The following ATP23 variants were observed in gnomAD, a reference collection of about 807,000 sequenced individuals.
ATP23 encodes the protein mitochondrial inner membrane protease ATP23 homolog.
In ATP23, 24 loss-of-function variants were observed where a neutral mutation model predicts 28.5. That is an observed-to-expected ratio of 0.84 (90% confidence interval 0.61 to 1.18). The LOEUF (loss-of-function observed/expected upper bound fraction) is 1.18. ATP23 is among the 50% of genes most tolerant of loss of function. The pLI, the probability that ATP23 is intolerant of heterozygous loss-of-function variation, is 0.00. For missense variants in ATP23, 274 were observed against 306.4 expected (o/e 0.89, Z 0.79); for synonymous variants, 99 against 108.6 (o/e 0.91, Z 0.55).
At position 57,956,891 on chromosome 12, in the gene ATP23, G is replaced by A. The variant is rs1412727765; in HGVS notation, c.*1G>A. 1.9e-6 allele frequency: 3 copies of A among 1,591,062 alleles called. No homozygotes were observed. The highest frequency in any genetic ancestry group is 8.5e-7 in the Non-Finnish European group (1 of 1,171,612). On this transcript the variant is annotated 3_prime_UTR_variant, in exon 6 of 6. Transcript: ENST00000300145. ...TGATCGGTATTATTCAAATATATGA[G>A]CACAATGACATTTTTATATTACAGA...
At chr12:57,953,987 G>A (rs1354868759) in intron 5 of ATP23, among the ~76,000 whole-genome samples, 1 of 152,074 alleles carries the variant, frequency 6.6e-6, no homozygotes, top group Non-Finnish European at 1.5e-5. Context: ...GAGGTCAGGA[G>A]ATCGAGACCA....
chr12:57,946,178 A>C (rs1956759067), intron 2 of ATP23, among the ~76,000 whole-genome samples: 2 of 152,070 alleles, frequency 1.3e-5, no homozygotes, highest in African/African-American at 2.4e-5. Flanking sequence ...CTCATTTTCT[A>C]GTTCTTACCA....
rs990426331 is a variant in ATP23, at chr12:57,958,447, A to G, written c.*1557A>G. On this transcript the variant is annotated 3_prime_UTR_variant, in exon 6 of 6. Coordinates refer to ENST00000300145, the MANE Select transcript of ATP23 (RefSeq NM_033276.4). ...CAGCCAGCACAAAAATAGAGCCTTC[A>G]ACCACCAAAGCTAAGAACCCTCATG... Among the ~76,000 whole-genome samples, 5 of 152,314 alleles carry G rather than the reference A, an allele frequency of 3.3e-5. No individual in the cohort carries two copies. In the East Asian group the frequency reaches 9.6e-4, roughly 29 times the overall value.
Position 57,956,979 on chromosome 12 carries a change from A to G in ATP23, c.*89A>G. ...AAGTGAACAAACATATAAAATGTAA[A>G]CAATCCCTACAATCCAGATAAAACA... On this transcript the variant is annotated 3_prime_UTR_variant, in exon 6 of 6. Coordinates refer to ENST00000300145, the MANE Select transcript of ATP23 (RefSeq NM_033276.4). The G allele has an allele frequency of 1.0e-6, 1 of 1,003,314 alleles. No homozygotes were observed. Among genetic ancestry groups the G allele is most frequent in the Non-Finnish European group, 1.4e-6 (1 of 715,598 alleles). 62.2% of individuals were successfully genotyped at this position (1,003,314 alleles called of 1,614,324 possible). A position where few individuals can be genotyped will look rare whatever the true frequency, so the allele number is the denominator to read the frequency against.
At chr12:57,956,070 C>G (rs968946145) in intron 5 of ATP23, among the ~76,000 whole-genome samples, 3 of 152,104 alleles carry the variant, frequency 2.0e-5, no homozygotes, top group African/African-American at 4.8e-5. Flanking sequence ...TAGCCTATTA[C>G]TATGAAATGT....
chr12:57,953,888 A>G (rs1956839262), intron 5 of ATP23, among the ~76,000 whole-genome samples, 199 bp downstream of exon 5: 1 of 152,104 alleles, frequency 6.6e-6, no homozygotes, highest in Non-Finnish European at 1.5e-5. Flanking sequence ...TGACTCAATG[A>G]GTGTGTGAGA....
intron 2 of ATP23, among the ~76,000 whole-genome samples, chr12:57,946,232 G>T (rs1956759723): frequency 6.6e-6 from 1 of 152,030 alleles, no homozygotes; most frequent in Non-Finnish European, 1.5e-5. Context: ...AAATTTTCTT[G>T]TAAGTAATTA....
At chr12:57,949,180 C>G (rs1349854339) in intron 3 of ATP23, among the ~76,000 whole-genome samples, 1 of 152,242 alleles carries the variant, frequency 6.6e-6, no homozygotes, top group Non-Finnish European at 1.5e-5. Context: ...TGCTCAAGAG[C>G]AGAATTACTG....
intron 2 of ATP23, among the ~76,000 whole-genome samples, 154 bp from the exon 3 acceptor site, chr12:57,946,841 C>CT (rs1301142237): frequency 2.0e-5 from 3 of 152,116 alleles, no homozygotes; most frequent in Non-Finnish European, 4.4e-5. Context: ...GGTGAGATAA[C>CT]AGTCCTGAAG....
At chr12:57,945,154 T>G (rs1457860606) in intron 1 of ATP23, among the ~76,000 whole-genome samples, 2 of 152,256 alleles carry the variant, frequency 1.3e-5, no homozygotes, top group Non-Finnish European at 2.9e-5. Context: ...GGTATTTGTA[T>G]TAGTGTTTTA....
chr12:57,956,045 A>G (rs530976226), intron 5 of ATP23, among the ~76,000 whole-genome samples: 1 of 152,332 alleles, frequency 6.6e-6, no homozygotes, highest in Admixed American at 6.5e-5. Flanking sequence ...TTTAAATTAG[A>G]GTATTGAGAA....
intron 3 of ATP23, 90 bp from the exon 4 acceptor site, chr12:57,951,668 G>A: frequency 1.4e-6 from 2 of 1,428,794 alleles, no homozygotes. Context: ...GAGCTTGTGG[G>A]GGAGAGGTGA....
chr12:57,946,933 C>T (rs546570727), intron 2 of ATP23, 62 bp from the exon 3 acceptor site: 4 of 1,466,634 alleles, frequency 2.7e-6, no homozygotes, highest in Middle Eastern at 3.5e-4. Context: ...TGAGCCCTGG[C>T]CCAGGGCTGT....
intron 3 of ATP23, among the ~76,000 whole-genome samples, chr12:57,948,779 G>T (rs1435562525): frequency 6.6e-6 from 1 of 151,992 alleles, no homozygotes; most frequent in African/African-American, 2.4e-5. Context: ...TCCTTATCCT[G>T]ACTTTTGTGG....
In ATP23 at chr12:57,951,852, A is replaced by C. The variant is rs1327606656; in HGVS notation, c.410A>C (p.His137Pro). 3.7e-6 allele frequency: 6 copies of C among 1,614,182 alleles called. No individual in the cohort carries two copies. Among genetic ancestry groups the C allele is most frequent in the Non-Finnish European group, 5.1e-6 (6 of 1,180,022 alleles). Reference sequence around the variant, plus strand: ...CATGCATTTGATCATTGTCGTGCCCATGTCGACTGGTTCACCAACATCAGA... The same window carrying C: ...CATGCATTTGATCATTGTCGTGCCCCTGTCGACTGGTTCACCAACATCAGA... The part of the protein sequence containing the change: ...LIHAFDHCRA[H>P]VDWFTNIRHL... Residue 137 changes from histidine (H) to proline (P), a missense_variant, in exon 4 of 6, where the codon CAT (histidine) becomes CCT (proline). Physicochemically the swap from His to Pro is moderately conservative, Grantham distance 77. Transcript: ENST00000300145.
intron 3 of ATP23, among the ~76,000 whole-genome samples, chr12:57,951,211 T>G (rs17120201): frequency 0.16 from 24,745 of 152,176 alleles, 4,029 homozygotes; most frequent in African/African-American, 0.42. Flanking sequence ...GTCATTCCTT[T>G]TTCATTCAAT....
chr12:57,950,340 C>T (rs903450642), intron 3 of ATP23, among the ~76,000 whole-genome samples: 2 of 152,104 alleles, frequency 1.3e-5, no homozygotes, highest in Non-Finnish European at 2.9e-5. Context: ...CTTTTAGCTT[C>T]TCAAGCATTT....
At chr12:57,947,114 CCT>C in intron 3 of ATP23, 38 bp downstream of exon 3, 1 of 1,580,828 alleles carries the variant, frequency 6.3e-7, no homozygotes, top group South Asian at 1.1e-5. Context: ...TCCCTTTAAT[CCT>C]CTCTCTTTAT....
intron 4 of ATP23, 94 bp from the exon 5 acceptor site, chr12:57,953,512 T>C: frequency 9.7e-7 from 1 of 1,026,532 alleles, no homozygotes; most frequent in South Asian, 1.6e-5. Flanking sequence ...ATGCTAATTT[T>C]ATATTCTTTT....
Sources: allele counts gnomAD v4.1 joint callset (sites outside exome capture counted in the v4.1 genomes callset), GRCh38; gene constraint gnomAD v4.1.1; transcripts MANE v1.5; gene names NCBI Gene and HGNC (gene_info 2026-07-23, HGNC 2026-07-21).